Variants in RITA1 observed in about 807,000 individuals in gnomAD.
RITA1 encodes the protein RBPJ interacting and tubulin associated 1.
In RITA1, 15 loss-of-function variants were observed where a neutral mutation model predicts 8.7. That is an observed-to-expected ratio of 1.72 (90% CI 1.15 to 2.65). The LOEUF (loss-of-function observed/expected upper bound fraction) is 2.65, where lower values mean the gene tolerates loss of function less well. Ranked by LOEUF, RITA1 falls within the 30% of genes most tolerant of loss-of-function variation. The pLI is 0.00. For missense variants in RITA1, 330 were observed against 363.8 expected, an observed-to-expected ratio of 0.91 and a Z score of 0.76; for synonymous variants, 145 against 156.2, an observed-to-expected ratio of 0.93 and a Z score of 0.53.
chr12:113,186,664 C>T lies in RITA1; in HGVS notation c.-64-19C>T. The T allele has an allele frequency of 6.4e-7, 1 of 1,562,778 alleles. No individual in the cohort carries two copies. The highest frequency in any genetic ancestry group is 8.7e-7 in the Non-Finnish European group (1 of 1,150,586). ...GCACTTCTGTGGCTCAGGGGTGCTA[C>T]TCTGACCTCCTCTCACAGGGAGCCT... On this transcript the variant is annotated intron_variant, in intron 2 of 3. Coordinates refer to ENST00000548278, the MANE Select transcript of RITA1 (RefSeq NM_032848.3).
Position 113,186,719 on chromosome 12 carries a change from C to T in RITA1, c.-28C>T, listed in dbSNP as rs748534393. On this transcript the variant is annotated 5_prime_UTR_variant, in exon 3 of 4. Coordinates refer to ENST00000548278, the MANE Select transcript of RITA1 (RefSeq NM_032848.3). ...AGCAGGGCCTGGCCGGCAGAGCACA[C>T]CTGCTGTCACCAGGGACCACAGGCA... is the stretch of plus-strand genomic sequence containing the variant. The T allele has an allele frequency of 2.8e-5, 45 of 1,608,358 alleles. 1 individual carries two copies. The South Asian group carries it at 4.2e-4, about 15-fold the overall frequency.
At position 113,186,896 on chromosome 12, in the gene RITA1, G is replaced by C. The variant is rs780342438; in HGVS notation, c.150G>C (p.Pro50=). Reference sequence around the variant, plus strand: ...CAGCAGGCACCCGGCCTACCCCACCGGACTTCGATCCGCCCTGGGTGGAGA... The same window carrying C: ...CAGCAGGCACCCGGCCTACCCCACCCGACTTCGATCCGCCCTGGGTGGAGA... ...GSPAGTRPTP[P]DFDPPWVEKA... Residue 50 remains proline, a synonymous_variant, in exon 3 of 4, where the codon CCG becomes CCC. Transcript: ENST00000548278. 1 of 1,614,086 alleles carries C rather than the reference G, an allele frequency of 6.2e-7. No homozygotes were observed. The highest frequency in any genetic ancestry group is 8.5e-7 in the Non-Finnish European group (1 of 1,180,018).
chr12:113,190,927 G>T (rs1273957224), intron 3 of RITA1, among the ~76,000 whole-genome samples: 1 of 152,238 alleles, frequency 6.6e-6, no homozygotes, highest in Non-Finnish European at 1.5e-5. Context: ...GTGGCAGAAA[G>T]ACATCTCTTT....
intron 2 of RITA1, 23 bp from the exon 3 acceptor site, chr12:113,186,660 G>C (rs961319117): frequency 6.5e-6 from 10 of 1,550,354 alleles, no homozygotes; most frequent in Non-Finnish European, 8.7e-6. Flanking sequence ...GCTCAGGGGT[G>C]CTACTCTGAC....
At chr12:113,187,558 G>A (rs950372981) in intron 3 of RITA1, among the ~76,000 whole-genome samples, 2 of 152,090 alleles carry the variant, frequency 1.3e-5, no homozygotes, top group African/African-American at 4.8e-5. Flanking sequence ...AGGAGTTTGA[G>A]ACCAGCCTGG....
Position 113,191,300 on chromosome 12 carries a change from C to T in RITA1, c.303-10C>T. On this transcript the variant is annotated splice_polypyrimidine_tract_variant and intron_variant, in intron 3 of 3. Coordinates refer to ENST00000548278, the MANE Select transcript of RITA1 (RefSeq NM_032848.3). The surrounding 1 kb of genome is among the most constrained non-coding windows in gnomAD (Gnocchi z 4.0). ...CCCCCAGCTCATGGCGTTTATCTTC[C>T]ATTTGCCAGACCCATCAGCCACACC... 1 of 1,507,394 alleles carries T rather than the reference C, an allele frequency of 6.6e-7. No individual in the cohort carries two copies. The highest frequency in any genetic ancestry group is 8.9e-7 in the Non-Finnish European group (1 of 1,128,066). The allele number at this position is 1,507,394 out of a possible 1,614,324, so 93.4% of individuals were successfully genotyped here.
intron 2 of RITA1, 89 bp from the exon 3 acceptor site, chr12:113,186,594 A>T (rs184815361): frequency 7.0e-7 from 1 of 1,438,306 alleles, no homozygotes; most frequent in African/African-American, 1.4e-5. Flanking sequence ...AGAGAACTAA[A>T]CCCTTGGGAT....
rs768760649 is a variant in RITA1 at position 113,185,789 on chromosome 12, C to G, written c.-429C>G. Reference sequence around the variant, plus strand: ...GTTCTGGGTTTCTGGATTCGCGGGCCGTTCACACGTAGCCTGTGCCGGCTC... The same window carrying G: ...GTTCTGGGTTTCTGGATTCGCGGGCGGTTCACACGTAGCCTGTGCCGGCTC... On this transcript the variant is annotated 5_prime_UTR_variant, in exon 1 of 4. Transcript: ENST00000548278. 20 of 614,694 alleles carry G rather than the reference C, an allele frequency of 3.3e-5. No individual in the cohort carries two copies. Among genetic ancestry groups the G allele is most frequent in the Non-Finnish European group, 5.3e-5 (19 of 355,278 alleles). 38.1% of individuals were successfully genotyped at this position (614,694 alleles called of 1,614,324 possible).
chr12:113,191,707 A>G lies in RITA1; in HGVS notation c.700A>G (p.Thr234Ala). Residue 234 changes from threonine to alanine, a missense_variant, in exon 4 of 4, where the codon ACC (threonine) becomes GCC (alanine). Physicochemically the swap from Thr to Ala is moderately conservative, Grantham distance 58 (BLOSUM62 0). Transcript: ENST00000548278. This position sits in a 1 kb window ranked among gnomAD's most constrained non-coding sequence, Gnocchi z 4.0. ...QDLRPSTSGV[T>A]FRSPLVTSRA... ...TCTCAGGCCTTCCACGTCAGGGGTG[A>G]CCTTCCGGAGCCCCCTGGTGACTTC... 6.2e-7 allele frequency: 1 copy of G among 1,613,972 alleles called. No homozygotes were observed. Among genetic ancestry groups the G allele is most frequent in the Non-Finnish European group, 8.5e-7 (1 of 1,179,978 alleles).
chr12:113,186,649 G>C (rs541083296), intron 2 of RITA1, 34 bp from the exon 3 acceptor site: 1 of 1,520,036 alleles, frequency 6.6e-7, no homozygotes, highest in Non-Finnish European at 8.9e-7. Flanking sequence ...GCACTTCTGT[G>C]GCTCAGGGGT....
chr12:113,191,634 C>A lies in RITA1; in HGVS notation c.627C>A (p.Ser209Arg). Residue 209 changes from serine to arginine, a missense_variant, in exon 4 of 4, where the codon AGC (serine) becomes AGA (arginine). Transcript: ENST00000548278. This position sits in a 1 kb window ranked among gnomAD's most constrained non-coding sequence, Gnocchi z 4.0. ...CCCTCACCCACCTGAATGTCCCCAGCACTGGTCATCCAGCCACCAGTGCCC... is the reference window on the plus strand; with the variant it reads ...CCCTCACCCACCTGAATGTCCCCAGAACTGGTCATCCAGCCACCAGTGCCC... The part of the protein sequence containing the change: ...SHSLTHLNVP[S>R]TGHPATSAPH... 1 of 1,614,148 alleles carries A rather than the reference C, an allele frequency of 6.2e-7. No homozygotes were observed. The highest frequency in any genetic ancestry group is 1.7e-5 in the Admixed American group (1 of 60,022).
At chr12:113,186,501 C>A (rs997520225) in intron 2 of RITA1, among the ~76,000 whole-genome samples, 182 bp from the exon 3 acceptor site, 1 of 152,170 alleles carries the variant, frequency 6.6e-6, no homozygotes, top group African/African-American at 2.4e-5. Context: ...CTTTCACCAC[C>A]ATTATGACAA....
chr12:113,188,075 G>A (rs1952557444), intron 3 of RITA1, among the ~76,000 whole-genome samples: 2 of 151,796 alleles, frequency 1.3e-5, no homozygotes, highest in Admixed American at 6.6e-5. Context: ...TTGAGATGGA[G>A]TCTCGCTCTG....
chr12:113,191,436 G>A lies in RITA1; in HGVS notation c.429G>A (p.Thr143=), dbSNP rs989262111. 1.4e-5 allele frequency: 22 copies of A among 1,607,846 alleles called. No individual in the cohort carries two copies. Among genetic ancestry groups the A allele is most frequent in the Middle Eastern group, 1.6e-4 (1 of 6,062 alleles). The part of the protein sequence containing the change: ...DAAKLRALLW[T]PPPTPRGSHS... Reference sequence around the variant, plus strand: ...CAAAGCTCCGTGCTCTCTTGTGGACGCCACCACCTACCCCCAGGGGTAGCC... The same window carrying A: ...CAAAGCTCCGTGCTCTCTTGTGGACACCACCACCTACCCCCAGGGGTAGCC... Residue 143 remains threonine (T), a synonymous_variant, in exon 4 of 4, where the codon ACG becomes ACA. Coordinates refer to ENST00000548278, the MANE Select transcript of RITA1 (RefSeq NM_032848.3). The surrounding 1 kb of genome is among the most constrained non-coding windows in gnomAD (Gnocchi z 4.0).
At position 113,186,333 on chromosome 12, in the gene RITA1, C is replaced by A; in HGVS notation, c.-65+17C>A. 1.5e-6 allele frequency: 2 copies of A among 1,377,458 alleles called. No individual in the cohort carries two copies. The highest frequency in any genetic ancestry group is 1.7e-5 in the South Asian group (1 of 60,146). 85.3% of individuals were successfully genotyped at this position (1,377,458 alleles called of 1,614,324 possible). On this transcript the variant is annotated intron_variant, in intron 2 of 3. Transcript: ENST00000548278. ...TTGCAGGAGGTAGGCATGGGATCCA[C>A]GCTGGCTGTCATTGCCCCCACCCCC...
Position 113,186,839 on chromosome 12 carries a change from G to T in RITA1, c.93G>T (p.Thr31=). ...CRGGYRVKAR[T]SYVDETLFGS... ...GTGGCTACCGGGTCAAGGCCAGGAC[G>T]TCATATGTGGATGAGACTCTGTTTG... Residue 31 remains threonine (T), a synonymous_variant, in exon 3 of 4, where the codon ACG becomes ACT. Coordinates refer to ENST00000548278, the MANE Select transcript of RITA1 (RefSeq NM_032848.3). The T allele has an allele frequency of 6.2e-7, 1 of 1,614,040 alleles. No homozygotes were observed. The highest frequency in any genetic ancestry group is 8.5e-7 in the Non-Finnish European group (1 of 1,180,018).
chr12:113,185,933 C>A lies in RITA1; in HGVS notation c.-285C>A. ...ATCCCGGATGCACCGCGCGCCCCCGCGCCCTCACCGACGGGTCCAGACCTG... is the reference window on the plus strand; with the variant it reads ...ATCCCGGATGCACCGCGCGCCCCCGAGCCCTCACCGACGGGTCCAGACCTG... On this transcript the variant is annotated 5_prime_UTR_variant, in exon 1 of 4. Coordinates refer to ENST00000548278, the MANE Select transcript of RITA1 (RefSeq NM_032848.3). 2 of 1,513,244 alleles carry A rather than the reference C, an allele frequency of 1.3e-6. No individual in the cohort carries two copies. The highest frequency in any genetic ancestry group is 4.0e-5 in the Admixed American group (2 of 49,994). 93.7% of individuals were successfully genotyped at this position (1,513,244 alleles called of 1,614,324 possible).
chr12:113,191,237 G>T lies in RITA1; in HGVS notation c.303-73G>T. On this transcript the variant is annotated intron_variant, in intron 3 of 3. Coordinates refer to ENST00000548278, the MANE Select transcript of RITA1 (RefSeq NM_032848.3). This position sits in a 1 kb window ranked among gnomAD's most constrained non-coding sequence, Gnocchi z 4.0. ...TCCTCTGCTGCTGCCATCCCAGGGT[G>T]GGTGGGAGAGCTGTTAAAGTTTTGA... 6.8e-7 allele frequency: 1 copy of T among 1,473,428 alleles called. No individual in the cohort carries two copies. Among genetic ancestry groups the T allele is most frequent in the Non-Finnish European group, 9.0e-7 (1 of 1,116,548 alleles). The allele number at this position is 1,473,428 out of a possible 1,614,324, so 91.3% of individuals were successfully genotyped here.
rs781185597 is a variant in RITA1 at position 113,191,284 on chromosome 12, C to T, written c.303-26C>T. ...TTGAGGGGTTGTTCATCCCCCAGCT[C>T]ATGGCGTTTATCTTCCATTTGCCAG... is the stretch of plus-strand genomic sequence containing the variant. On this transcript the variant is annotated intron_variant, in intron 3 of 3. Transcript: ENST00000548278. This position sits in a 1 kb window ranked among gnomAD's most constrained non-coding sequence, Gnocchi z 4.0. 6.7e-6 allele frequency: 10 copies of T among 1,501,566 alleles called. No individual in the cohort carries two copies. In the African/African-American group the frequency reaches 7.0e-5, roughly 10 times the overall value. The allele number at this position is 1,501,566 out of a possible 1,614,324, so 93.0% of individuals were successfully genotyped here.
Sources: gnomAD v4.1 joint callset for allele counts (sites outside exome capture counted in the v4.1 genomes callset) on GRCh38, gnomAD v4.1.1 for gene constraint, Gnocchi (gnomAD v3.1) non-coding constraint, MANE v1.5 for transcripts, NCBI Gene and HGNC (gene_info 2026-07-23, HGNC 2026-07-21) for gene names.